The following HSF2BP variants were observed in gnomAD, a reference collection of about 807,000 sequenced individuals.
The protein encoded by HSF2BP is heat shock transcription factor 2 binding protein, also known as heat shock factor 2-binding protein.
HSF2BP carries 35 observed loss-of-function variants against 35.0 expected under a neutral mutation model. The observed-to-expected ratio is 1.00, with a 90% CI of 0.76 to 1.32. The LOEUF (loss-of-function observed/expected upper bound fraction) is 1.32, where lower values mean the gene tolerates loss of function less well. Ranked by LOEUF, HSF2BP falls within the 40% of genes most tolerant of loss-of-function variation. The pLI is 0.00. For synonymous variants in HSF2BP, 114 were observed against 117.4 expected (o/e 0.97, Z 0.18); for missense variants, 326 against 321.7 (o/e 1.01, Z -0.10).
chr21:43,586,560 C>A (rs905059098), intron 8 of HSF2BP, among the ~76,000 whole-genome samples: 1 of 151,880 alleles, frequency 6.6e-6, no homozygotes, highest in African/African-American at 2.4e-5. Context: ...AGGTGTTGGC[C>A]TAAACACTAT....
At chr21:43,581,973 TGTGGGG>T (rs2081746597) in intron 8 of HSF2BP, among the ~76,000 whole-genome samples, 1 of 96,186 alleles carries the variant, frequency 1.0e-5, no homozygotes. Flanking sequence ...GAGGGCCTGC[TGTGGGG>T]GATGAGGGCC....
intron 8 of HSF2BP, among the ~76,000 whole-genome samples, chr21:43,581,680 G>C (rs1328607200): frequency 6.6e-6 from 1 of 152,214 alleles, no homozygotes; most frequent in Non-Finnish European, 1.5e-5. Flanking sequence ...TTCTTCAGCA[G>C]CTGAAGCCAG....
chr21:43,587,251 G>T (rs2081863484), intron 8 of HSF2BP, among the ~76,000 whole-genome samples: 1 of 152,126 alleles, frequency 6.6e-6, no homozygotes, highest in African/African-American at 2.4e-5. Context: ...ATCTTGTTTT[G>T]TTTGACTTTA....
At chr21:43,632,056 C>CA (rs1210325458) in intron 5 of HSF2BP, among the ~76,000 whole-genome samples, 1 of 22,498 alleles carries the variant, frequency 4.4e-5, no homozygotes, top group East Asian at 2.2e-3. Flanking sequence ...CGCTCCCCCC[C>CA]CACACACGCT....
intron 3 of HSF2BP, among the ~76,000 whole-genome samples, chr21:43,654,272 T>C (rs753665501): frequency 9.9e-5 from 15 of 152,172 alleles, no homozygotes; most frequent in Non-Finnish European, 2.1e-4. Flanking sequence ...AAGATCCCAC[T>C]CTTGCCTGCA....
chr21:43,615,791 C>T (rs966179186), intron 6 of HSF2BP, among the ~76,000 whole-genome samples: 1 of 152,076 alleles, frequency 6.6e-6, no homozygotes, highest in African/African-American at 2.4e-5. Flanking sequence ...AAGCATTTGG[C>T]ATCAGAAACA....
At chr21:43,634,657 G>T (rs2082528214) in intron 4 of HSF2BP, among the ~76,000 whole-genome samples, 1 of 152,086 alleles carries the variant, frequency 6.6e-6, no homozygotes, top group African/African-American at 2.4e-5. Flanking sequence ...AATGCGTTTG[G>T]CACACAGAGA....
At chr21:43,467,985 C>A in the HSF2BP span, among the ~76,000 whole-genome samples, 1 of 109,652 alleles carries the variant, frequency 9.1e-6, no homozygotes. Context: ...CCACACACAC[C>A]ACACCCACAC....
At chr21:43,615,331 GTCT>G (rs1163327385) in intron 6 of HSF2BP, among the ~76,000 whole-genome samples, 2 of 152,318 alleles carry the variant, frequency 1.3e-5, no homozygotes, top group African/African-American at 4.8e-5. Context: ...GTTTAAAGAA[GTCT>G]TCTTCTATTT....
chr21:43,607,231 A>G (rs1302749709), intron 7 of HSF2BP, among the ~76,000 whole-genome samples: 1 of 151,748 alleles, frequency 6.6e-6, no homozygotes, highest in Non-Finnish European at 1.5e-5. Context: ...TCGAGGCTGC[A>G]GTGAGCCGTG....
chr21:43,639,976 A>C (rs2082614323), intron 4 of HSF2BP, among the ~76,000 whole-genome samples: 1 of 152,322 alleles, frequency 6.6e-6, no homozygotes, highest in African/African-American at 2.4e-5. Flanking sequence ...AAAATATCTA[A>C]CGATACATGC....
intron 5 of HSF2BP, among the ~76,000 whole-genome samples, chr21:43,631,997 CCACA>C (rs1489179367): frequency 1.0e-5 from 1 of 97,846 alleles, no homozygotes; most frequent in Non-Finnish European, 2.1e-5. Context: ...ACACACACTC[CCACA>C]CACACAGGCT....
Position 43,659,488 on chromosome 21 carries a change from C to T in HSF2BP, c.-327G>A. 1.9e-6 allele frequency: 1 copy of T among 523,284 alleles called. No homozygotes were observed. The highest frequency in any genetic ancestry group is 2.7e-6 in the Non-Finnish European group (1 of 374,952). 32.4% of individuals were successfully genotyped at this position (523,284 alleles called of 1,614,324 possible). ...CAGCTGCCAGGGCCACTGCCGCGCTCACTCCCAGAGCGCGCTGCGAGCCGC... is the reference window on the plus strand; with the variant it reads ...CAGCTGCCAGGGCCACTGCCGCGCTTACTCCCAGAGCGCGCTGCGAGCCGC... On this transcript the variant is annotated 5_prime_UTR_variant, in exon 1 of 9. Transcript: ENST00000291560. The surrounding 1 kb of genome is among the most constrained non-coding windows in gnomAD (Gnocchi z 4.2).
intron 8 of HSF2BP, among the ~76,000 whole-genome samples, chr21:43,587,049 A>G (rs936539416): frequency 3.9e-5 from 6 of 152,248 alleles, no homozygotes; most frequent in Middle Eastern, 3.2e-3. Context: ...TTATGATTCT[A>G]GATTCTGAAA....
Position 43,656,740 on chromosome 21 carries a change from A to G in HSF2BP, c.37-3T>C. The G allele has an allele frequency of 6.2e-7, 1 of 1,608,438 alleles. No homozygotes were observed. The highest frequency in any genetic ancestry group is 1.7e-5 in the Admixed American group (1 of 58,700). On this transcript the variant is annotated splice_polypyrimidine_tract_variant and splice_region_variant and intron_variant, in intron 2 of 8. Coordinates refer to ENST00000291560, the MANE Select transcript of HSF2BP (RefSeq NM_007031.2). ...AATTCCTCTTTAGTTCCCATGTGCT[A>G]AAAGAACAAGCAGATCTTATTATAT...
intron 6 of HSF2BP, among the ~76,000 whole-genome samples, chr21:43,620,805 T>G (rs2082323223): frequency 6.6e-6 from 1 of 152,004 alleles, no homozygotes; most frequent in African/African-American, 2.4e-5. Flanking sequence ...ACTGAAAAAT[T>G]AATTTGAGGC....
chr21:43,617,675 C>T (rs1568917276), intron 6 of HSF2BP, among the ~76,000 whole-genome samples: 2 of 151,868 alleles, frequency 1.3e-5, no homozygotes, highest in Non-Finnish European at 2.9e-5. Context: ...GAAATGGGGC[C>T]AGGTACGGTG....
intron 7 of HSF2BP, among the ~76,000 whole-genome samples, chr21:43,612,049 G>T (rs753281785): frequency 6.6e-6 from 1 of 152,078 alleles, no homozygotes. Flanking sequence ...ACTCACGAGG[G>T]GCAGTTCCAA....
intron 2 of HSF2BP, among the ~76,000 whole-genome samples, chr21:43,657,480 C>G (rs1230782069): frequency 1.7e-4 from 26 of 152,212 alleles, no homozygotes; most frequent in Admixed American, 1.5e-3. Flanking sequence ...ACTGGGTTTG[C>G]CAAGCCCTCC....
Sources: allele counts gnomAD v4.1 joint callset (sites outside exome capture counted in the v4.1 genomes callset), GRCh38; gene constraint gnomAD v4.1.1; non-coding constraint Gnocchi (gnomAD v3.1); transcripts MANE v1.5; gene names NCBI Gene and HGNC (gene_info 2026-07-23, HGNC 2026-07-21).